The following KIF6 variants were observed in gnomAD, a reference collection of about 807,000 sequenced individuals.
KIF6 encodes kinesin-like protein KIF6.
Under a neutral mutation model 112.7 loss-of-function variants are expected in KIF6, and 106 were observed. The observed-to-expected ratio is 0.94, with a 90% CI of 0.80 to 1.11. The LOEUF (loss-of-function observed/expected upper bound fraction) is 1.11, where lower values mean the gene tolerates loss of function less well. KIF6 is among the 50% of genes least tolerant of loss of function. The probability of loss-of-function intolerance (pLI) is 0.00; values close to 1 mark genes in which losing one functional copy is unlikely to be tolerated. For synonymous variants in KIF6, 339 were observed against 339.9 expected, an observed-to-expected ratio of 1.00 and a Z score of 0.03; for missense variants, 929 against 964.0, an observed-to-expected ratio of 0.96 and a Z score of 0.48.
rs758753667 is a variant in KIF6 at position 39,714,687 on chromosome 6, C to T, written c.251+5G>A. The T allele has an allele frequency of 1.9e-5, 31 of 1,610,912 alleles. No homozygotes were observed. Among genetic ancestry groups the T allele is most frequent in the Non-Finnish European group, 2.6e-5 (31 of 1,177,282 alleles). ...GCCCACTGAACAAAATATGGGAAAT[C>T]CTACCTCCCAGCAACTGGTTTGGCA... On this transcript the variant is annotated splice_donor_5th_base_variant and intron_variant, in intron 3 of 22. Transcript: ENST00000287152.
intron 13 of KIF6, among the ~76,000 whole-genome samples, chr6:39,534,258 T>G (rs901727917): frequency 4.6e-5 from 7 of 152,122 alleles, no homozygotes; most frequent in Non-Finnish European, 7.3e-5. Flanking sequence ...ACGATCAAAC[T>G]ACTCTGAGCT....
chr6:39,659,746 T>G (rs985306539), intron 3 of KIF6, among the ~76,000 whole-genome samples: 1 of 152,172 alleles, frequency 6.6e-6, no homozygotes, highest in African/African-American at 2.4e-5. Context: ...TCTGAGGCCT[T>G]CCCAGCAAAA....
intron 17 of KIF6, among the ~76,000 whole-genome samples, chr6:39,361,663 G>C (rs553676317): frequency 5.9e-5 from 9 of 152,208 alleles, no homozygotes; most frequent in Admixed American, 2.6e-4. Context: ...CAAGGGAGTG[G>C]AGAGCGACAG....
At chr6:39,354,492 A>G (rs75989290) in intron 19 of KIF6, among the ~76,000 whole-genome samples, 6,062 of 152,332 alleles carry the variant, frequency 0.04, 187 homozygotes, top group Non-Finnish European at 0.055. Context: ...CTAAATGTAA[A>G]AACACACAAT....
intron 5 of KIF6, among the ~76,000 whole-genome samples, chr6:39,622,466 T>C (rs898177989): frequency 3.3e-5 from 5 of 152,184 alleles, no homozygotes; most frequent in African/African-American, 7.2e-5. Flanking sequence ...ACAGAGTATA[T>C]AAAAATTGAC....
intron 13 of KIF6, among the ~76,000 whole-genome samples, chr6:39,507,516 G>A (rs1195846791): frequency 6.6e-6 from 1 of 152,050 alleles, no homozygotes; most frequent in Admixed American, 6.5e-5. Context: ...CATCACATGG[G>A]ACATATGCAA....
chr6:39,494,794 G>GT (rs550357405), intron 13 of KIF6, among the ~76,000 whole-genome samples: 109 of 148,180 alleles, frequency 7.4e-4, no homozygotes, highest in Admixed American at 1.6e-3. Context: ...CTTATGACAA[G>GT]TTTTTTTTTT....
rs988532092 is a variant in KIF6, at chr6:39,622,786, T to C, written c.510-9468A>G. On this transcript the variant is annotated intron_variant, in intron 5 of 22. Coordinates refer to ENST00000287152, the MANE Select transcript of KIF6 (RefSeq NM_145027.6). ...CTCAGGCAGCAGGTGCCTGTTTCCT[T>C]CCAGAAATGTGCACGAGATGCTGGA... 1.2e-4 allele frequency among the ~76,000 whole-genome samples: 19 copies of C among 152,294 alleles called. 1 individual carries two copies. The East Asian group carries it at 3.3e-3, about 26-fold the overall frequency.
intron 5 of KIF6, among the ~76,000 whole-genome samples, chr6:39,632,254 C>T (rs1784392590): frequency 6.6e-6 from 1 of 151,652 alleles, no homozygotes; most frequent in African/African-American, 2.4e-5. Flanking sequence ...GATGCTGTGT[C>T]ACTCAACGGT....
chr6:39,646,648 G>A (rs988098576), intron 3 of KIF6, among the ~76,000 whole-genome samples: 5 of 152,154 alleles, frequency 3.3e-5, no homozygotes, highest in East Asian at 1.9e-4. Flanking sequence ...GAAGCAAAAC[G>A]TACTAGTTCA....
At chr6:39,443,027 T>C (rs1772025142) in intron 13 of KIF6, among the ~76,000 whole-genome samples, 1 of 151,264 alleles carries the variant, frequency 6.6e-6, no homozygotes, top group African/African-American at 2.4e-5. Context: ...GGCAGAAGAA[T>C]GGCGTGAACC....
chr6:39,579,432 T>G (rs1480356800), intron 9 of KIF6, among the ~76,000 whole-genome samples: 2 of 152,174 alleles, frequency 1.3e-5, no homozygotes, highest in African/African-American at 4.8e-5. Flanking sequence ...TGTTTTTCCT[T>G]TCCTTATTGA....
chr6:39,488,714 C>T (rs1775286098), intron 13 of KIF6, among the ~76,000 whole-genome samples: 1 of 152,154 alleles, frequency 6.6e-6, no homozygotes, highest in South Asian at 2.1e-4. Context: ...GTACATATTC[C>T]TACTAGAGAG....
At chr6:39,457,212 A>C (rs1210567899) in intron 13 of KIF6, among the ~76,000 whole-genome samples, 1 of 152,048 alleles carries the variant, frequency 6.6e-6, no homozygotes, top group East Asian at 1.9e-4. Context: ...CAGAATTAAT[A>C]ATCTCACTCA....
intron 3 of KIF6, among the ~76,000 whole-genome samples, chr6:39,700,208 A>T (rs1268567241): frequency 6.6e-6 from 1 of 152,212 alleles, no homozygotes; most frequent in African/African-American, 2.4e-5. Flanking sequence ...TATTGACTAT[A>T]GTCACCCTGT....
intron 13 of KIF6, among the ~76,000 whole-genome samples, chr6:39,536,619 C>A (rs929918252): frequency 2.0e-5 from 3 of 151,914 alleles, no homozygotes; most frequent in Non-Finnish European, 4.4e-5. Context: ...GATTCACAGC[C>A]GAATTCTACC....
At chr6:39,568,928 T>G (rs1780484512) in intron 10 of KIF6, among the ~76,000 whole-genome samples, 5 of 152,124 alleles carry the variant, frequency 3.3e-5, no homozygotes, top group Admixed American at 3.3e-4. Context: ...AATAGATGGT[T>G]TAGACTCTTC....
At chr6:39,469,971 A>G (rs1341490955) in intron 13 of KIF6, among the ~76,000 whole-genome samples, 1 of 152,194 alleles carries the variant, frequency 6.6e-6, no homozygotes, top group Non-Finnish European at 1.5e-5. Flanking sequence ...GACAGTGTAG[A>G]ACACTGTATC....
chr6:39,622,049 C>T (rs2150737025), intron 5 of KIF6, among the ~76,000 whole-genome samples: 1 of 151,970 alleles, frequency 6.6e-6, no homozygotes, highest in East Asian at 1.9e-4. Flanking sequence ...CACCTGTAAT[C>T]CCAGCTACTC....
Sources: allele counts gnomAD v4.1 joint callset (sites outside exome capture counted in the v4.1 genomes callset), GRCh38; gene constraint gnomAD v4.1.1; transcripts MANE v1.5; gene names NCBI Gene and HGNC (gene_info 2026-07-23, HGNC 2026-07-21).